Variants in MBD5 observed in about 807,000 individuals in gnomAD.
MBD5 encodes the protein methyl-CpG-binding domain protein 5.
A neutral mutation model predicts 117.3 loss-of-function variants in MBD5; 13 were observed. The observed-to-expected ratio is 0.11, with a 90% CI of 0.07 to 0.18. MBD5 has a LOEUF of 0.18. Ranked by LOEUF, MBD5 falls within the 10% of genes least tolerant of loss-of-function variation. MBD5 has a pLI of 1.00. For synonymous variants in MBD5, 727 were observed against 766.4 expected, an observed-to-expected ratio of 0.95 and a Z score of 0.85; for missense variants, 1,879 against 2,093.8, an observed-to-expected ratio of 0.90 and a Z score of 2.00.
chr2:148,226,758 A>G (rs1290604323), intron 2 of MBD5, among the ~76,000 whole-genome samples: 1 of 152,112 alleles, frequency 6.6e-6, no homozygotes, highest in Admixed American at 6.5e-5. Context: ...ATTTCTCTAC[A>G]TCCTCTCCAG....
chr2:148,445,392 T>C (rs1405528670), intron 4 of MBD5, among the ~76,000 whole-genome samples: 1 of 150,714 alleles, frequency 6.6e-6, no homozygotes, highest in Non-Finnish European at 1.5e-5. Flanking sequence ...CGGTGTTTGG[T>C]TTTTTGTCCT....
chr2:148,446,100 G>A (rs1179764064), intron 4 of MBD5, among the ~76,000 whole-genome samples: 2 of 150,886 alleles, frequency 1.3e-5, no homozygotes, highest in African/African-American at 2.5e-5. Flanking sequence ...CACTCTGATG[G>A]TAGTTTCTTT....
intron 2 of MBD5, among the ~76,000 whole-genome samples, chr2:148,195,166 AG>A (rs559748439): frequency 1.5e-3 from 219 of 150,580 alleles, no homozygotes; most frequent in Middle Eastern, 3.4e-3. Flanking sequence ...ACTAAATAGA[AG>A]GAGTGCATTT....
Position 148,483,950 on chromosome 2 carries a change from C to T in MBD5, c.3359C>T (p.Thr1120Ile). Residue 1120 changes from threonine (T) to isoleucine (I), a missense_variant, in exon 9 of 14, where the codon ACC becomes ATC. Thr to Ile is a moderately conservative substitution (Grantham distance 89). Coordinates refer to ENST00000642680, the MANE Select transcript of MBD5 (RefSeq NM_001378120.1). The stretch of plus-strand genomic sequence containing the variant: ...TCCTCCCAGGCAACCACTACCACAA[C>T]CACTACATCATCAGCAGTGGCAGCA... The part of the protein sequence containing the change: ...ATSSQATTTT[T>I]TTSSAVAALT... 6.4e-7 allele frequency: 1 copy of T among 1,550,510 alleles called. No homozygotes were observed. Among genetic ancestry groups the T allele is most frequent in the Non-Finnish European group, 8.7e-7 (1 of 1,146,938 alleles).
At chr2:148,363,469 G>A (rs946193933) in intron 4 of MBD5, among the ~76,000 whole-genome samples, 6 of 152,118 alleles carry the variant, frequency 3.9e-5, no homozygotes, top group African/African-American at 4.8e-5. Flanking sequence ...TCCTGACCTC[G>A]TGATCCACCT....
chr2:148,178,108 C>A (rs1057307498), intron 1 of MBD5, among the ~76,000 whole-genome samples: 5 of 152,166 alleles, frequency 3.3e-5, no homozygotes, highest in Admixed American at 6.5e-5. Flanking sequence ...AAAACACTCT[C>A]TCTGGATAAT....
intron 3 of MBD5, among the ~76,000 whole-genome samples, chr2:148,332,722 A>G (rs557575990): frequency 6.6e-6 from 1 of 152,168 alleles, no homozygotes; most frequent in African/African-American, 2.4e-5. Flanking sequence ...TTCTATTTCT[A>G]TCAGAGATCT....
At chr2:148,085,749 TAGAA>T (rs979038584) in intron 1 of MBD5, among the ~76,000 whole-genome samples, 84 of 152,276 alleles carry the variant, frequency 5.5e-4, no homozygotes, top group African/African-American at 1.9e-3. Flanking sequence ...TGGAGCTAGT[TAGAA>T]AGCCCCAAAT....
At chr2:148,238,363 G>A (rs1447349625) in intron 3 of MBD5, among the ~76,000 whole-genome samples, 1 of 152,158 alleles carries the variant, frequency 6.6e-6, no homozygotes, top group East Asian at 1.9e-4. Context: ...TGCATGGACT[G>A]TTCTAAAATT....
intron 1 of MBD5, among the ~76,000 whole-genome samples, chr2:148,131,587 T>G (rs1339354117): frequency 3.3e-5 from 5 of 152,126 alleles, no homozygotes; most frequent in Admixed American, 6.6e-5. Flanking sequence ...TCCTAGCTAC[T>G]CAGGAGGCTG....
intron 8 of MBD5, among the ~76,000 whole-genome samples, chr2:148,477,130 GAAAAAA>G (rs892038216): frequency 6.7e-6 from 1 of 149,632 alleles, no homozygotes; most frequent in Middle Eastern, 3.2e-3. Flanking sequence ...GAGGGGGGAA[GAAAAAA>G]AAACAAACTC....
At chr2:148,402,024 C>G (rs1045386706) in intron 4 of MBD5, among the ~76,000 whole-genome samples, 1 of 151,836 alleles carries the variant, frequency 6.6e-6, no homozygotes. Flanking sequence ...ATCCCGTTCT[C>G]GGTGCTTTAT....
chr2:148,217,156 C>A (rs896697224), intron 2 of MBD5, among the ~76,000 whole-genome samples: 21 of 152,102 alleles, frequency 1.4e-4, no homozygotes, highest in African/African-American at 5.1e-4. Context: ...TTTTCCATGT[C>A]ACGTCTTCTG....
At chr2:148,245,074 AT>A (rs1381820891) in intron 3 of MBD5, among the ~76,000 whole-genome samples, 1 of 152,186 alleles carries the variant, frequency 6.6e-6, no homozygotes, top group East Asian at 1.9e-4. Context: ...TCACTATTGA[AT>A]CTAACTTGTT....
intron 3 of MBD5, among the ~76,000 whole-genome samples, chr2:148,339,266 CT>C (rs1702877948): frequency 6.6e-6 from 1 of 152,088 alleles, no homozygotes; most frequent in Admixed American, 6.5e-5. Context: ...CTAAAAAAAT[CT>C]TGTTTTTTTC....
chr2:148,167,618 G>A (rs972265932), intron 1 of MBD5, among the ~76,000 whole-genome samples: 2 of 152,076 alleles, frequency 1.3e-5, no homozygotes, highest in African/African-American at 4.8e-5. Flanking sequence ...TGTATGTCCA[G>A]TACCCAAAAA....
At chr2:148,204,711 A>G (rs1699233231) in intron 2 of MBD5, among the ~76,000 whole-genome samples, 4 of 152,352 alleles carry the variant, frequency 2.6e-5, no homozygotes, top group Admixed American at 2.6e-4. Context: ...TTTTAAATTT[A>G]GCCCAAATGT....
At chr2:148,021,995 C>T (rs1414307418) in intron 1 of MBD5, among the ~76,000 whole-genome samples, 1 of 152,012 alleles carries the variant, frequency 6.6e-6, no homozygotes, top group Non-Finnish European at 1.5e-5. Context: ...TCCAATGAGG[C>T]GCCAGGGAAA....
chr2:148,045,499 C>G (rs1410507027), intron 1 of MBD5, among the ~76,000 whole-genome samples: 1 of 152,150 alleles, frequency 6.6e-6, no homozygotes, highest in Non-Finnish European at 1.5e-5. Flanking sequence ...ATATGCCAGA[C>G]ATAGATATAG....
Sources: gnomAD v4.1 joint callset for allele counts (sites outside exome capture counted in the v4.1 genomes callset) on GRCh38, gnomAD v4.1.1 for gene constraint, MANE v1.5 for transcripts, NCBI Gene and HGNC (gene_info 2026-07-23, HGNC 2026-07-21) for gene names.